The following ARSG variants were observed in gnomAD, a reference collection of about 807,000 sequenced individuals.
ARSG encodes ASG.
ARSG carries 37 observed loss-of-function variants against 50.5 expected under a neutral mutation model. The observed-to-expected ratio is 0.73, with a 90% CI of 0.56 to 0.96. The LOEUF (loss-of-function observed/expected upper bound fraction) is 0.96. Ranked by LOEUF, ARSG falls within the 50% of genes least tolerant of loss-of-function variation. The pLI is 0.00. For synonymous variants in ARSG, 225 were observed against 254.6 expected (o/e 0.88, Z 1.11); for missense variants, 629 against 675.3 (o/e 0.93, Z 0.76).
chr17:68,268,233 T>G lies in ARSG; in HGVS notation c.-552+8807T>G, dbSNP rs562641855. On this transcript the variant is annotated intron_variant, in intron 1 of 11. Transcript: ENST00000448504. ...CTCAGATTTTATTTCTTTTGATTAC[T>G]TTAATCATCCTAGAATAACTTAATA... 16 of 152,702 alleles carry G rather than the reference T, an allele frequency of 1.0e-4. No individual in the cohort carries two copies. The South Asian group carries it at 1.2e-3, about 12-fold the overall frequency. 9.5% of individuals were successfully genotyped at this position (152,702 alleles called of 1,614,324 possible). A position where few individuals can be genotyped will look rare whatever the true frequency, so the allele number is the denominator to read the frequency against.
At chr17:68,346,947 G>T (rs1480724380) in intron 3 of ARSG, 178 bp from the exon 4 acceptor site, 1 of 1,515,242 alleles carries the variant, frequency 6.6e-7, no homozygotes, top group East Asian at 2.6e-5. Context: ...TGTCCCTGTG[G>T]ACACCGTCTC....
chr17:68,314,688 C>CA (rs1361142253), intron 2 of ARSG, among the ~76,000 whole-genome samples: 1 of 151,970 alleles, frequency 6.6e-6, no homozygotes, highest in Non-Finnish European at 1.5e-5. Context: ...GCCTGGACAA[C>CA]AGAGTGTCTC....
At chr17:68,349,331 A>G (rs2078650768) in intron 4 of ARSG, among the ~76,000 whole-genome samples, 1 of 152,142 alleles carries the variant, frequency 6.6e-6, no homozygotes, top group Non-Finnish European at 1.5e-5. Context: ...GCCAATATGT[A>G]CAGTCATTTG....
At chr17:68,286,828 A>C (rs75048926), upstream of ARSG, among the ~76,000 whole-genome samples, 1,166 of 152,224 alleles carry the variant, frequency 7.7e-3, 13 homozygotes, top group African/African-American at 0.027. Flanking sequence ...GAATTCTATT[A>C]ATCAACTGAT....
the ARSG span, among the ~76,000 whole-genome samples, chr17:68,446,337 T>C: frequency 6.6e-6 from 1 of 152,036 alleles, no homozygotes; most frequent in Non-Finnish European, 1.5e-5. Flanking sequence ...TGCGCCACCA[T>C]GCCTGGCTAA....
At chr17:68,335,795 C>T (rs547976098) in intron 2 of ARSG, among the ~76,000 whole-genome samples, 36 of 152,206 alleles carry the variant, frequency 2.4e-4, no homozygotes, top group African/African-American at 7.5e-4. Context: ...ACAGCGTGTG[C>T]GAAGGCACAG....
At chr17:68,289,081 C>T (rs1302992881), upstream of ARSG, among the ~76,000 whole-genome samples, 4 of 152,126 alleles carry the variant, frequency 2.6e-5, no homozygotes, top group African/African-American at 9.7e-5. Flanking sequence ...TGCGGTAGCT[C>T]ATGCCTATAA....
upstream of ARSG, among the ~76,000 whole-genome samples, chr17:68,286,760 C>G (rs2075852053): frequency 6.6e-6 from 1 of 152,148 alleles, no homozygotes; most frequent in African/African-American, 2.4e-5. Context: ...CCGCCTTGGC[C>G]TCCCAAAGTG....
intron 1 of ARSG, among the ~76,000 whole-genome samples, chr17:68,281,428 G>T (rs561988519): frequency 1.3e-5 from 2 of 151,744 alleles, no homozygotes; most frequent in Non-Finnish European, 2.9e-5. Context: ...TTAGCTGGGC[G>T]TGGTGGCATG....
the ARSG span, chr17:68,434,487 G>A: frequency 6.4e-7 from 1 of 1,555,872 alleles, no homozygotes; most frequent in African/African-American, 1.4e-5. Flanking sequence ...CCTCTCCCTA[G>A]ACAGCTGCCA....
chr17:68,412,292 A>G (rs1183692118), intron 11 of ARSG, among the ~76,000 whole-genome samples: 1 of 152,070 alleles, frequency 6.6e-6, no homozygotes. Context: ...TGCTTCCTTC[A>G]GGAGCTCTTT....
chr17:68,442,531 CT>C, the ARSG span, among the ~76,000 whole-genome samples: 1 of 151,960 alleles, frequency 6.6e-6, no homozygotes, highest in Non-Finnish European at 1.5e-5. Context: ...TGAAGCAACC[CT>C]GTCCTCTGGG....
intron 11 of ARSG, among the ~76,000 whole-genome samples, chr17:68,402,770 C>T (rs1222579862): frequency 6.6e-6 from 1 of 152,174 alleles, no homozygotes; most frequent in Non-Finnish European, 1.5e-5. Flanking sequence ...CGTGATCCAC[C>T]CGCCTCGGCC....
intron 2 of ARSG, among the ~76,000 whole-genome samples, chr17:68,327,411 G>A (rs371244505): frequency 2.6e-5 from 4 of 152,264 alleles, no homozygotes; most frequent in Non-Finnish European, 2.9e-5. Context: ...CCTCCACAGC[G>A]CTAGGAGAAG....
intron 1 of ARSG, chr17:68,273,743 A>G: frequency 1.7e-6 from 1 of 586,244 alleles, no homozygotes; most frequent in Non-Finnish European, 2.8e-6. Flanking sequence ...GCACTTGAGA[A>G]CAGATTCCCA....
At chr17:68,364,203 C>G (rs1336736600) in intron 6 of ARSG, among the ~76,000 whole-genome samples, 1 of 152,140 alleles carries the variant, frequency 6.6e-6, no homozygotes, top group Non-Finnish European at 1.5e-5. Flanking sequence ...AATGTCCCCT[C>G]TGTCATCTTA....
chr17:68,328,954 C>A (rs1053191362), intron 2 of ARSG, among the ~76,000 whole-genome samples: 3 of 152,236 alleles, frequency 2.0e-5, no homozygotes, highest in Admixed American at 2.0e-4. Flanking sequence ...TGAGACTAGG[C>A]AGACATACCT....
At chr17:68,437,026 G>GTGTGTGTGTA in the ARSG span, among the ~76,000 whole-genome samples, 2 of 148,186 alleles carry the variant, frequency 1.3e-5, no homozygotes, top group African/African-American at 2.5e-5. Flanking sequence ...ATGTGTGTGT[G>GTGTGTGTGTA]TGTGTGTGTG....
chr17:68,312,881 G>T (rs559849346), intron 2 of ARSG, among the ~76,000 whole-genome samples: 1 of 152,148 alleles, frequency 6.6e-6, no homozygotes, highest in Non-Finnish European at 1.5e-5. Context: ...AAGCCACCAC[G>T]CCCGGTTCTG....
Sources: allele counts gnomAD v4.1 joint callset (sites outside exome capture counted in the v4.1 genomes callset), GRCh38; gene constraint gnomAD v4.1.1; transcripts MANE v1.5; gene names NCBI Gene and HGNC (gene_info 2026-07-23, HGNC 2026-07-21).